TBC1D19: variants seen among roughly 807,000 people sequenced by gnomAD.
The protein encoded by TBC1D19 is TBC1 domain family member 19, also known as TBC1 domain family, member 19.
A neutral mutation model predicts 89.0 loss-of-function variants in TBC1D19; 60 were observed. The observed-to-expected ratio is 0.67, with a 90% confidence interval of 0.55 to 0.84. The LOEUF (loss-of-function observed/expected upper bound fraction) is 0.84. Ranked by LOEUF, TBC1D19 falls within the 40% of genes least tolerant of loss-of-function variation. The pLI, the probability that TBC1D19 is intolerant of heterozygous loss-of-function variation, is 0.00. For missense variants in TBC1D19, 500 were observed against 610.8 expected (o/e 0.82, Z 1.91); for synonymous variants, 189 against 199.7 (o/e 0.95, Z 0.45).
At chr4:26,842,633 TTTC>T in the TBC1D19 span, among the ~76,000 whole-genome samples, 3 of 146,470 alleles carry the variant, frequency 2.0e-5, no homozygotes, top group Non-Finnish European at 3.0e-5. Flanking sequence ...TCTTTCTTTC[TTTC>T]TTTCTTTCTT....
At chr4:26,608,731 G>A (rs1385048011) in intron 1 of TBC1D19, among the ~76,000 whole-genome samples, 2 of 151,968 alleles carry the variant, frequency 1.3e-5, no homozygotes, top group African/African-American at 4.8e-5. Flanking sequence ...AATTAGCAGG[G>A]TTTTTGCAGC....
At chr4:26,612,718 C>G (rs994470881) in intron 1 of TBC1D19, among the ~76,000 whole-genome samples, 2 of 152,028 alleles carry the variant, frequency 1.3e-5, no homozygotes, top group African/African-American at 2.4e-5. Context: ...CAAATATACA[C>G]AATGCATTTA....
chr4:26,749,443 G>A (rs991706814), intron 19 of TBC1D19, among the ~76,000 whole-genome samples: 2 of 97,888 alleles, frequency 2.0e-5, no homozygotes, highest in Non-Finnish European at 4.8e-5. Flanking sequence ...TAACATATTC[G>A]GGTTGTTTTT....
At chr4:26,649,682 T>G (rs1744198992) in intron 7 of TBC1D19, among the ~76,000 whole-genome samples, 1 of 152,156 alleles carries the variant, frequency 6.6e-6, no homozygotes, top group South Asian at 2.1e-4. Context: ...GTTTCATCCA[T>G]GTTGTGGCAT....
the TBC1D19 span, among the ~76,000 whole-genome samples, chr4:26,818,372 C>T: frequency 1.3e-5 from 2 of 152,062 alleles, no homozygotes; most frequent in Admixed American, 6.5e-5. Flanking sequence ...AAACTACAGG[C>T]ATGCACCACC....
At chr4:26,605,125 T>C (rs964830657) in intron 1 of TBC1D19, among the ~76,000 whole-genome samples, 11 of 151,900 alleles carry the variant, frequency 7.2e-5, no homozygotes, top group South Asian at 2.1e-4. Flanking sequence ...CATATGTAGA[T>C]ATGTGCCATG....
chr4:26,856,992 G>T, the TBC1D19 span, among the ~76,000 whole-genome samples: 8 of 152,126 alleles, frequency 5.3e-5, no homozygotes, highest in African/African-American at 1.7e-4. Context: ...CACTTAAAAA[G>T]ACTTCCTTCC....
chr4:26,658,153 T>C (rs1744984864), intron 7 of TBC1D19, among the ~76,000 whole-genome samples: 1 of 152,238 alleles, frequency 6.6e-6, no homozygotes, highest in South Asian at 2.1e-4. Flanking sequence ...AGACACGAAG[T>C]CTTTGCCCAT....
At chr4:26,661,189 A>G (rs1352866674) in intron 8 of TBC1D19, among the ~76,000 whole-genome samples, 1 of 152,196 alleles carries the variant, frequency 6.6e-6, no homozygotes, top group Non-Finnish European at 1.5e-5. Context: ...ATCCAGATGC[A>G]GAAAGACTGC....
intron 1 of TBC1D19, among the ~76,000 whole-genome samples, chr4:26,594,126 G>T (rs1740028116): frequency 1.3e-5 from 2 of 152,318 alleles, no homozygotes; most frequent in East Asian, 3.9e-4. Context: ...TAAAGAAAAT[G>T]TGGCACATAT....
chr4:26,731,981 T>C (rs948672301), intron 15 of TBC1D19, among the ~76,000 whole-genome samples: 4 of 152,152 alleles, frequency 2.6e-5, no homozygotes, highest in Non-Finnish European at 5.9e-5. Flanking sequence ...ATTTGTTTGA[T>C]GGGAAAGTAG....
At chr4:26,641,843 A>C (rs1426033776) in intron 7 of TBC1D19, among the ~76,000 whole-genome samples, 1 of 152,240 alleles carries the variant, frequency 6.6e-6, no homozygotes, top group Non-Finnish European at 1.5e-5. Context: ...TTGAAGATCA[A>C]ATGAATGAAA....
chr4:26,787,101 GTTTTT>G, the TBC1D19 span, among the ~76,000 whole-genome samples: 1 of 129,364 alleles, frequency 7.7e-6, no homozygotes. Flanking sequence ...AGAGGAACTA[GTTTTT>G]TTTTTTTTTT....
the TBC1D19 span, among the ~76,000 whole-genome samples, chr4:26,812,257 A>G: frequency 6.6e-6 from 1 of 152,154 alleles, no homozygotes; most frequent in Non-Finnish European, 1.5e-5. The surrounding 1 kb of genome is among the most constrained non-coding windows in gnomAD (Gnocchi z 4.2). Flanking sequence ...ATTGTTTAAT[A>G]GATGGACCCT....
At chr4:26,698,171 A>T (rs1162378233) in intron 13 of TBC1D19, among the ~76,000 whole-genome samples, 6 of 152,238 alleles carry the variant, frequency 3.9e-5, no homozygotes, top group Non-Finnish European at 1.5e-5. Flanking sequence ...AAGTCTCAGG[A>T]TACAAAATCA....
chr4:26,759,947 T>C (rs775965714), downstream of TBC1D19, among the ~76,000 whole-genome samples: 6 of 152,222 alleles, frequency 3.9e-5, no homozygotes, highest in Non-Finnish European at 8.8e-5. Context: ...TGTGGACATA[T>C]ATCTTCATTT....
intron 7 of TBC1D19, among the ~76,000 whole-genome samples, chr4:26,649,914 C>T (rs548584034): frequency 1.3e-5 from 2 of 152,182 alleles, no homozygotes; most frequent in African/African-American, 4.8e-5. Flanking sequence ...TTCCTGTGTC[C>T]ATGCATTCTC....
chr4:26,766,260 TCAGAG>T, the TBC1D19 span, among the ~76,000 whole-genome samples: 1 of 152,174 alleles, frequency 6.6e-6, no homozygotes, highest in African/African-American at 2.4e-5. Flanking sequence ...CCCAACTCTG[TCAGAG>T]GTCTGAATAA....
At chr4:26,579,147 A>G (rs557786549), upstream of TBC1D19, among the ~76,000 whole-genome samples, 5 of 152,334 alleles carry the variant, frequency 3.3e-5, no homozygotes, top group East Asian at 9.6e-4. Flanking sequence ...GTGAATGGTC[A>G]GTAATCTGGA....
Sources: gnomAD v4.1 joint callset for allele counts (sites outside exome capture counted in the v4.1 genomes callset) on GRCh38, gnomAD v4.1.1 for gene constraint, Gnocchi (gnomAD v3.1) non-coding constraint, MANE v1.5 for transcripts, NCBI Gene and HGNC (gene_info 2026-07-23, HGNC 2026-07-21) for gene names.